HIVEP3: variants seen among roughly 807,000 people sequenced by gnomAD.
HIVEP3 encodes HIVEP zinc finger 3, also known as transcription factor HIVEP3.
HIVEP3 carries 49 observed loss-of-function variants against 152.8 expected under a neutral mutation model. The ratio of observed to expected loss-of-function variants is 0.32; its 90% CI spans 0.26 to 0.41. HIVEP3 has a LOEUF of 0.41. Among genes scored for constraint, HIVEP3 ranks in the 10% least tolerant of loss-of-function variants. The pLI, the probability that HIVEP3 is intolerant of heterozygous loss-of-function variation, is 1.00. For synonymous variants in HIVEP3, 1,269 were observed against 1,289.0 expected, an observed-to-expected ratio of 0.98 and a Z score of 0.33; for missense variants, 2,790 against 3,103.3, an observed-to-expected ratio of 0.90 and a Z score of 2.40.
chr1:41,797,658 T>G (rs1219815427), intron 1 of HIVEP3, among the ~76,000 whole-genome samples: 1 of 152,152 alleles, frequency 6.6e-6, no homozygotes, highest in African/African-American at 2.4e-5. Flanking sequence ...AACTGAGGGC[T>G]TCTCATGAAA....
intron 1 of HIVEP3, among the ~76,000 whole-genome samples, chr1:41,702,100 G>A (rs893879751): frequency 2.6e-5 from 4 of 152,066 alleles, no homozygotes; most frequent in African/African-American, 4.8e-5. Context: ...AAGTTGTTAC[G>A]AGGAGTAAAT....
chr1:41,675,935 T>C (rs1645947663), intron 2 of HIVEP3, among the ~76,000 whole-genome samples: 1 of 142,416 alleles, frequency 7.0e-6, no homozygotes, highest in Admixed American at 7.0e-5. Flanking sequence ...TGAGGTGACA[T>C]AGGATCTTGG....
chr1:41,617,518 A>G (rs1644986913), intron 3 of HIVEP3, among the ~76,000 whole-genome samples: 1 of 152,322 alleles, frequency 6.6e-6, no homozygotes, highest in East Asian at 1.9e-4. Flanking sequence ...TCCTCTGACA[A>G]GGGCTGCATG....
chr1:41,549,808 C>T (rs1326123137), intron 5 of HIVEP3, among the ~76,000 whole-genome samples: 2 of 152,046 alleles, frequency 1.3e-5, no homozygotes, highest in African/African-American at 2.4e-5. Context: ...TAAAAATTTT[C>T]TCCAATTTTG....
chr1:41,562,461 A>C (rs1427053512), intron 5 of HIVEP3, among the ~76,000 whole-genome samples: 1 of 151,970 alleles, frequency 6.6e-6, no homozygotes. Flanking sequence ...TAGTGGGAAA[A>C]ACTTTCTTCC....
At chr1:41,874,112 T>C (rs1644127450) in intron 1 of HIVEP3, among the ~76,000 whole-genome samples, 1 of 152,230 alleles carries the variant, frequency 6.6e-6, no homozygotes, top group Non-Finnish European at 1.5e-5. Flanking sequence ...ACTGAAACCA[T>C]TCCTTCTTGT....
chr1:42,020,478 G>T (rs1208071190), intron 1 of HIVEP3, among the ~76,000 whole-genome samples: 1 of 94,308 alleles, frequency 1.1e-5, no homozygotes, highest in Non-Finnish European at 2.3e-5. Context: ...CATCTAAATT[G>T]TCAAGTATGT....
intron 1 of HIVEP3, among the ~76,000 whole-genome samples, chr1:41,804,399 G>A (rs1003466621): frequency 3.9e-5 from 6 of 152,236 alleles, no homozygotes; most frequent in Admixed American, 2.0e-4. Flanking sequence ...ACACGGGCTT[G>A]TTTAATCCTC....
intron 1 of HIVEP3, among the ~76,000 whole-genome samples, chr1:41,999,097 T>G (rs1009760419): frequency 4.6e-5 from 7 of 151,894 alleles, no homozygotes; most frequent in African/African-American, 1.2e-4. Context: ...GGTTTCACCA[T>G]GTTGGCCAGG....
At chr1:41,758,178 G>C (rs1222484428) in intron 1 of HIVEP3, among the ~76,000 whole-genome samples, 1 of 152,148 alleles carries the variant, frequency 6.6e-6, no homozygotes, top group Non-Finnish European at 1.5e-5. Context: ...GCCTTCCCCG[G>C]ACAGGTTTTG....
Position 41,719,109 on chromosome 1 carries a change from A to G in HIVEP3, c.-800-18114T>C, listed in dbSNP as rs527750389. On this transcript the variant is annotated intron_variant, in intron 1 of 8. Transcript: ENST00000372583. ...GGGCTCAGAGTGTGCTGCTGCAGCT[A>G]AAGACAAGAGCTGCACAAAGGACAA... 2.0e-5 allele frequency among the ~76,000 whole-genome samples: 3 copies of G among 152,354 alleles called. No homozygotes were observed. The East Asian group carries it at 5.8e-4, about 29-fold the overall frequency.
chr1:41,946,375 G>C (rs1645075172), intron 1 of HIVEP3, among the ~76,000 whole-genome samples: 1 of 152,154 alleles, frequency 6.6e-6, no homozygotes, highest in African/African-American at 2.4e-5. Context: ...TTGAGAGCCA[G>C]GAAGTTAACT....
rs1332245044 is a variant in HIVEP3, at chr1:41,653,974, A to C, written c.-720-25027T>G. On this transcript the variant is annotated intron_variant, in intron 2 of 8. Transcript: ENST00000372583. ...ACTGCAAAAAAAAAAAAAAAAAAAA[A>C]AAAAAAAACCAGATTACCTTTAAAG... Among the ~76,000 whole-genome samples, 8 of 151,514 alleles carry C rather than the reference A, an allele frequency of 5.3e-5. No individual in the cohort carries two copies. The East Asian group carries it at 1.4e-3, about 26-fold the overall frequency.
intron 5 of HIVEP3, among the ~76,000 whole-genome samples, chr1:41,544,885 CT>C (rs1643672203): frequency 2.4e-5 from 1 of 41,306 alleles, no homozygotes; most frequent in Non-Finnish European, 5.5e-5. Context: ...ACTACCACCT[CT>C]ACCACCACCA....
intron 3 of HIVEP3, among the ~76,000 whole-genome samples, chr1:41,619,765 C>A (rs1050687733): frequency 4.6e-5 from 7 of 152,136 alleles, no homozygotes; most frequent in African/African-American, 1.7e-4. Context: ...TTTTTGGAGC[C>A]ATATGGAATA....
chr1:41,968,977 A>G (rs775614634), intron 1 of HIVEP3, among the ~76,000 whole-genome samples: 107 of 152,306 alleles, frequency 7.0e-4, no homozygotes, highest in Admixed American at 1.0e-3. Context: ...AAAGAGAATA[A>G]AATATGTAGG....
chr1:41,965,999 A>C (rs1011243305), intron 1 of HIVEP3, among the ~76,000 whole-genome samples: 79 of 152,324 alleles, frequency 5.2e-4, no homozygotes, highest in African/African-American at 1.5e-3. Flanking sequence ...GGTCACCTAC[A>C]AGGGAAGCCC....
At position 41,903,686 on chromosome 1, in the gene HIVEP3, C is replaced by T. The variant is rs1371752950; in HGVS notation, c.-801+14727G>A. On this transcript the variant is annotated intron_variant, in intron 1 of 8. Transcript: ENST00000372583. ...GCCTGAACCAAGAGTTGATGGGCAG[C>T]TGGGTGGTGTGCTCCTCTGTTGAGC... is the stretch of plus-strand genomic sequence containing the variant. 3.9e-5 allele frequency among the ~76,000 whole-genome samples: 6 copies of T among 152,248 alleles called. No homozygotes were observed. The East Asian group carries it at 1.2e-3, about 30-fold the overall frequency.
At chr1:41,605,127 AAAGGGAAGGG>A (rs1208601655) in intron 3 of HIVEP3, among the ~76,000 whole-genome samples, 1 of 127,782 alleles carries the variant, frequency 7.8e-6, no homozygotes, top group Non-Finnish European at 1.6e-5. Context: ...AAAAAAAGAG[AAAGGGAAGGG>A]AAGGGAAGGG....
Sources: gnomAD v4.1 joint callset for allele counts (sites outside exome capture counted in the v4.1 genomes callset) on GRCh38, gnomAD v4.1.1 for gene constraint, MANE v1.5 for transcripts, NCBI Gene and HGNC (gene_info 2026-07-23, HGNC 2026-07-21) for gene names.